CAMTA1: variants seen among roughly 807,000 people sequenced by gnomAD.
CAMTA1 encodes the protein calmodulin binding transcription activator 1.
In CAMTA1, 27 loss-of-function variants were observed where a neutral mutation model predicts 170.9. The observed-to-expected ratio is 0.16, with a 90% CI of 0.12 to 0.22. CAMTA1 has a LOEUF of 0.22. Ranked by LOEUF, CAMTA1 falls within the 10% of genes least tolerant of loss-of-function variation. The pLI, the probability that CAMTA1 is intolerant of heterozygous loss-of-function variation, is 1.00. For missense variants in CAMTA1, 1,619 were observed against 2,217.2 expected (o/e 0.73, Z 5.42); for synonymous variants, 833 against 891.5 (o/e 0.93, Z 1.17).
rs371588178 is a variant in CAMTA1 at position 7,272,692 on chromosome 1, C to CAAAAAAAAAAAAAAAAAAAAAAAAA, written c.438+23090_438+23091insAAAAAAAAAAAAAAAAAAAAAAAAA. On this transcript the variant is annotated intron_variant, in intron 5 of 22. Transcript: ENST00000303635. Reference sequence around the variant, plus strand: ...TCTGGGGCAACTGGATAAACACATGCAAAAAAAAAAAAAAAAAAAAAAAAG... The same window carrying CAAAAAAAAAAAAAAAAAAAAAAAAA: ...TCTGGGGCAACTGGATAAACACATGCAAAAAAAAAAAAAAAAAAAAAAAAAAAAAAAAAAAAAAAAAAAAAAAAAG... Among the ~76,000 whole-genome samples the CAAAAAAAAAAAAAAAAAAAAAAAAA allele has an allele frequency of 1.2e-3, 48 of 38,812 alleles. 1 individual carries two copies. The highest frequency in any genetic ancestry group is 2.2e-3 in the African/African-American group (24 of 10,760). The allele number at this position is 38,812 out of a possible 152,430, so 25.5% of individuals were successfully genotyped here.
At chr1:7,621,268 C>T (rs933661621) in intron 6 of CAMTA1, among the ~76,000 whole-genome samples, 3 of 152,212 alleles carry the variant, frequency 2.0e-5, no homozygotes, top group Non-Finnish European at 4.4e-5. Context: ...TGGGAGGACC[C>T]CCCATGGTGG....
At chr1:7,386,489 C>G (rs1176331053) in intron 5 of CAMTA1, among the ~76,000 whole-genome samples, 1 of 152,214 alleles carries the variant, frequency 6.6e-6, no homozygotes, top group Non-Finnish European at 1.5e-5. Context: ...GGCCCTCAGC[C>G]TGCTCGGTGG....
rs777250604 is a variant in CAMTA1, at chr1:7,473,415, AAGG to A, written c.510+5528_510+5530del. On this transcript the variant is annotated intron_variant, in intron 6 of 22. Coordinates refer to ENST00000303635, the MANE Select transcript of CAMTA1 (RefSeq NM_015215.4). ...TAGAGCCCAGGCTCGGGGCTCCCCC[AAGG>A]AGGAGGAGGAGGACAAGTGGCCTCT... Among the ~76,000 whole-genome samples, 4 of 152,140 alleles carry A rather than the reference AAGG, an allele frequency of 2.6e-5. No individual in the cohort carries two copies. The East Asian group carries it at 7.7e-4, about 29-fold the overall frequency.
intron 3 of CAMTA1, among the ~76,000 whole-genome samples, chr1:7,082,060 C>G (rs1044088681): frequency 6.6e-6 from 1 of 152,184 alleles, no homozygotes; most frequent in Admixed American, 6.5e-5. Flanking sequence ...GTGCAGGATC[C>G]TATTGCCTCT....
At chr1:7,021,258 G>A (rs533608473) in intron 3 of CAMTA1, among the ~76,000 whole-genome samples, 2 of 152,332 alleles carry the variant, frequency 1.3e-5, no homozygotes, top group South Asian at 2.1e-4. Context: ...AAAATGGGGC[G>A]GTGCGATGGA....
At chr1:7,082,983 C>T (rs1443978420) in intron 3 of CAMTA1, among the ~76,000 whole-genome samples, 1 of 152,174 alleles carries the variant, frequency 6.6e-6, no homozygotes, top group Non-Finnish European at 1.5e-5. Context: ...TTTCATAGTG[C>T]CTGGCATATT....
rs72856652 is a variant in CAMTA1, at chr1:7,428,427, C to G, written c.439-39403C>G. 5.6e-3 allele frequency among the ~76,000 whole-genome samples: 808 copies of G among 144,966 alleles called. 4 individuals carry two copies. Among genetic ancestry groups the G allele is most frequent in the African/African-American group, 0.022 (777 of 34,802 alleles). ...CACCTTGCTGCCTCTAGGATTTTAC[C>G]GAGGGCCGATCACCACATCAGGGAT... On this transcript the variant is annotated intron_variant, in intron 5 of 22. Transcript: ENST00000303635.
chr1:7,367,726 T>G (rs1345707667), intron 5 of CAMTA1, among the ~76,000 whole-genome samples: 1 of 152,272 alleles, frequency 6.6e-6, no homozygotes, highest in East Asian at 1.9e-4. Flanking sequence ...CACTGAGTGC[T>G]CACCCTGACC....
intron 5 of CAMTA1, among the ~76,000 whole-genome samples, chr1:7,278,221 C>T (rs907453381): frequency 6.6e-6 from 1 of 152,208 alleles, no homozygotes; most frequent in Non-Finnish European, 1.5e-5. Context: ...TGCCCCACCC[C>T]ACAGGACTTG....
chr1:7,174,101 G>A (rs1650243480), intron 4 of CAMTA1, among the ~76,000 whole-genome samples: 1 of 152,080 alleles, frequency 6.6e-6, no homozygotes, highest in Admixed American at 6.6e-5. Context: ...TCTCCCTGAG[G>A]AAAAACAGCT....
At chr1:6,941,462 G>C (rs546398793) in intron 3 of CAMTA1, among the ~76,000 whole-genome samples, 125 of 152,266 alleles carry the variant, frequency 8.2e-4, no homozygotes, top group African/African-American at 2.6e-3. Context: ...GTGGGGACTT[G>C]GTGCCTGCAT....
chr1:7,633,877 G>A lies in CAMTA1; in HGVS notation c.511-6523G>A, dbSNP rs1185998245. Among the ~76,000 whole-genome samples the A allele has an allele frequency of 3.9e-5, 6 of 152,244 alleles. No individual in the cohort carries two copies. Among genetic ancestry groups the A allele is most frequent in the African/African-American group, 1.4e-4 (6 of 41,466 alleles). On this transcript the variant is annotated intron_variant, in intron 6 of 22. Transcript: ENST00000303635. The surrounding 1 kb of genome is among the most constrained non-coding windows in gnomAD (Gnocchi z 4.1). ...CAAGGTGGGCACTGTTGTCAACGGGGTTGCTGAATGAGGTTTCCACAAGAA... is the reference window on the plus strand; with the variant it reads ...CAAGGTGGGCACTGTTGTCAACGGGATTGCTGAATGAGGTTTCCACAAGAA...
intron 3 of CAMTA1, among the ~76,000 whole-genome samples, chr1:6,911,605 G>C (rs1312043701): frequency 1.3e-5 from 2 of 151,934 alleles, no homozygotes; most frequent in South Asian, 4.3e-4. Flanking sequence ...TAAATGATCT[G>C]TAAGACAGGT....
chr1:6,864,200 C>T (rs947954352), intron 3 of CAMTA1, among the ~76,000 whole-genome samples: 1 of 152,154 alleles, frequency 6.6e-6, no homozygotes, highest in African/African-American at 2.4e-5. Context: ...CTTTCCTCTT[C>T]TTTTTATCTG....
rs1646195197 is a variant in CAMTA1, at chr1:7,146,552, C to A, written c.302+55181C>A. On this transcript the variant is annotated intron_variant, in intron 4 of 22. Transcript: ENST00000303635. This position sits in a 1 kb window ranked among gnomAD's most constrained non-coding sequence, Gnocchi z 4.3. ...CCAGCAGGACACTCATCACCATGGCCTTCCTTGACCCCGGCCACGTCCTGC... is the reference window on the plus strand; with the variant it reads ...CCAGCAGGACACTCATCACCATGGCATTCCTTGACCCCGGCCACGTCCTGC... 6.6e-6 allele frequency among the ~76,000 whole-genome samples: 1 copy of A among 152,040 alleles called. No homozygotes were observed. Among genetic ancestry groups the A allele is most frequent in the African/African-American group, 2.4e-5 (1 of 41,390 alleles).
At chr1:6,915,363 A>G (rs1176130083) in intron 3 of CAMTA1, among the ~76,000 whole-genome samples, 1 of 152,224 alleles carries the variant, frequency 6.6e-6, no homozygotes, top group Admixed American at 6.5e-5. Context: ...TAGTAATTTC[A>G]TAAGTACCCT....
intron 6 of CAMTA1, among the ~76,000 whole-genome samples, chr1:7,476,450 T>C (rs1459486244): frequency 6.6e-6 from 1 of 151,886 alleles, no homozygotes; most frequent in Non-Finnish European, 1.5e-5. Flanking sequence ...ATGGAAGAAA[T>C]GGGGAGGGGG....
At position 7,401,521 on chromosome 1, in the gene CAMTA1, TAA is replaced by T. The variant is rs112969097; in HGVS notation, c.439-66299_439-66298del. Among the ~76,000 whole-genome samples, 423 of 148,312 alleles carry T rather than the reference TAA, an allele frequency of 2.9e-3. 2 individuals carry two copies. The highest frequency in any genetic ancestry group is 9.7e-3 in the African/African-American group (395 of 40,758). Reference sequence around the variant, plus strand: ...AATTTAGAATTAGTTTGTTCACTTCTAAAAAAAAAAATCCTTCTGGGAATTTA... The same window carrying T: ...AATTTAGAATTAGTTTGTTCACTTCTAAAAAAAAATCCTTCTGGGAATTTA... On this transcript the variant is annotated intron_variant, in intron 5 of 22. Coordinates refer to ENST00000303635, the MANE Select transcript of CAMTA1 (RefSeq NM_015215.4).
chr1:7,142,086 C>T (rs1488307089), intron 4 of CAMTA1: 1 of 518,598 alleles, frequency 1.9e-6, no homozygotes, highest in African/African-American at 1.9e-5. Context: ...TCCAGCTCTT[C>T]CTGGTACCCC....
Sources: allele counts gnomAD v4.1 joint callset (sites outside exome capture counted in the v4.1 genomes callset), GRCh38; gene constraint gnomAD v4.1.1; non-coding constraint Gnocchi (gnomAD v3.1); transcripts MANE v1.5; gene names NCBI Gene and HGNC (gene_info 2026-07-23, HGNC 2026-07-21).